Variants in PTPRZ1 observed in about 807,000 individuals in gnomAD.
PTPRZ1 encodes the protein receptor-type tyrosine-protein phosphatase zeta.
Under a neutral mutation model 214.1 loss-of-function variants are expected in PTPRZ1, and 82 were observed. The ratio of observed to expected loss-of-function variants is 0.38; its 90% confidence interval spans 0.32 to 0.46. The LOEUF (loss-of-function observed/expected upper bound fraction) is 0.46. Ranked by LOEUF, PTPRZ1 falls within the 20% of genes least tolerant of loss-of-function variation. PTPRZ1 has a pLI of 1.00. For missense variants in PTPRZ1, 2,603 were observed against 2,748.7 expected, an observed-to-expected ratio of 0.95 and a Z score of 1.19; for synonymous variants, 945 against 987.9, an observed-to-expected ratio of 0.96 and a Z score of 0.81.
intron 2 of PTPRZ1, among the ~76,000 whole-genome samples, chr7:121,933,425 T>C (rs1795982833): frequency 6.6e-6 from 1 of 152,160 alleles, no homozygotes; most frequent in African/African-American, 2.4e-5. Context: ...CAGCTTGAAA[T>C]TGAAAATTTT....
At chr7:122,054,837 T>C (rs1792300589) in intron 26 of PTPRZ1, 104 bp from the exon 27 acceptor site, 1 of 1,143,854 alleles carries the variant, frequency 8.7e-7, no homozygotes, top group East Asian at 2.6e-5. Context: ...CAAAGAAAAA[T>C]TGGAGTTGAA....
At chr7:121,996,774 A>C (rs1358968362) in intron 9 of PTPRZ1, among the ~76,000 whole-genome samples, 1 of 152,218 alleles carries the variant, frequency 6.6e-6, no homozygotes. Context: ...AATTAAATGG[A>C]TATCATAACT....
At chr7:121,883,413 A>C (rs1794300970) in intron 1 of PTPRZ1, among the ~76,000 whole-genome samples, 1 of 152,322 alleles carries the variant, frequency 6.6e-6, no homozygotes, top group African/African-American at 2.4e-5. Flanking sequence ...CAGTGAACAC[A>C]TGTACTATTG....
intron 10 of PTPRZ1, among the ~76,000 whole-genome samples, chr7:121,999,811 T>C (rs898957580): frequency 6.6e-6 from 1 of 152,166 alleles, no homozygotes. Flanking sequence ...GTGATCCTGT[T>C]AGACTGACTC....
chr7:122,010,336 G>T lies in PTPRZ1; in HGVS notation c.1290G>T (p.Glu430Asp), dbSNP rs775374028. The T allele has an allele frequency of 1.3e-5, 20 of 1,596,614 alleles. No individual in the cohort carries two copies. Among genetic ancestry groups the T allele is most frequent in the Non-Finnish European group, 1.6e-5 (19 of 1,174,426 alleles). ...ELIGTEEIIK[E>D]EEEGKDIEEG... ...TAAATCTTGTTTGCTTTTCAAAGGA[G>T]GAGGAAGAGGGAAAAGACATTGAAG... Residue 430 changes from glutamate (E) to aspartate (D), a missense_variant and splice_region_variant, in exon 12 of 30, where the codon GAG (glutamate) becomes GAT (aspartate). Coordinates refer to ENST00000393386, the MANE Select transcript of PTPRZ1 (RefSeq NM_002851.3).
At chr7:121,882,536 A>G (rs1032872400) in intron 1 of PTPRZ1, among the ~76,000 whole-genome samples, 2 of 152,184 alleles carry the variant, frequency 1.3e-5, no homozygotes, top group Admixed American at 1.3e-4. Context: ...GAGGAGTATA[A>G]CAGTAAAAGG....
At chr7:122,030,505 C>T (rs1017557839) in intron 14 of PTPRZ1, among the ~76,000 whole-genome samples, 1 of 151,956 alleles carries the variant, frequency 6.6e-6, no homozygotes, top group Non-Finnish European at 1.5e-5. Context: ...TAGAATTACA[C>T]CTTTGTCTAG....
chr7:121,903,964 T>TCACACACACACA (rs200372497), intron 1 of PTPRZ1, among the ~76,000 whole-genome samples: 4 of 81,616 alleles, frequency 4.9e-5, no homozygotes, highest in East Asian at 4.5e-4. Flanking sequence ...AGTCTTTAAA[T>TCACACACACACA]CTCACACACA....
intron 1 of PTPRZ1, among the ~76,000 whole-genome samples, chr7:121,909,733 AG>A (rs554756641): frequency 4.5e-4 from 68 of 152,318 alleles, no homozygotes; most frequent in African/African-American, 1.5e-3. Flanking sequence ...TATACATGAA[AG>A]TAAAAAGGTA....
At chr7:122,020,743 A>T (rs866739149) in intron 13 of PTPRZ1, among the ~76,000 whole-genome samples, 37 of 152,302 alleles carry the variant, frequency 2.4e-4, no homozygotes, top group Middle Eastern at 3.4e-3. Flanking sequence ...CACATGGGTC[A>T]GGAGTCTATT....
At chr7:121,966,338 G>T (rs973420752) in intron 2 of PTPRZ1, among the ~76,000 whole-genome samples, 12 of 152,124 alleles carry the variant, frequency 7.9e-5, no homozygotes, top group African/African-American at 2.7e-4. Context: ...CTTTCTAAGT[G>T]TGCTTAGAAT....
At chr7:121,995,782 A>G (rs955383109) in intron 8 of PTPRZ1, among the ~76,000 whole-genome samples, 6 of 152,212 alleles carry the variant, frequency 3.9e-5, no homozygotes, top group African/African-American at 7.2e-5. Context: ...AGGATTGTCT[A>G]ATAACAAAAT....
intron 6 of PTPRZ1, among the ~76,000 whole-genome samples, chr7:121,981,197 C>T (rs900897300): frequency 2.0e-5 from 3 of 151,846 alleles, no homozygotes; most frequent in Non-Finnish European, 4.4e-5. Flanking sequence ...CTTCACTTTA[C>T]TTGGGATTTT....
At chr7:121,884,859 T>A (rs1794351444) in intron 1 of PTPRZ1, among the ~76,000 whole-genome samples, 1 of 152,220 alleles carries the variant, frequency 6.6e-6, no homozygotes. Context: ...ATGAATTCAT[T>A]TTTTTAAAAA....
intron 1 of PTPRZ1, among the ~76,000 whole-genome samples, chr7:121,877,779 G>T (rs1215183523): frequency 6.6e-6 from 1 of 152,142 alleles, no homozygotes; most frequent in African/African-American, 2.4e-5. Flanking sequence ...TCGAAAATAA[G>T]TCTTTTCCAA....
chr7:121,905,626 G>A (rs541111117), intron 1 of PTPRZ1, among the ~76,000 whole-genome samples: 6 of 104,970 alleles, frequency 5.7e-5, no homozygotes, highest in East Asian at 3.5e-4. Flanking sequence ...TTCTGCACCC[G>A]GCCGAATTCT....
chr7:122,012,374 G>T lies in PTPRZ1; in HGVS notation c.3328G>T (p.Val1110Phe), dbSNP rs772898949. 1.9e-6 allele frequency: 3 copies of T among 1,613,844 alleles called. No individual in the cohort carries two copies. The East Asian group carries it at 6.7e-5, about 36-fold the overall frequency. ...PGSLAHTTTK[V>F]FDHEISQVPE... ...GTCCCTTGCTCATACCACCACTAAG[G>T]TTTTTGATCATGAGATTAGTCAAGT... The change falls in exon 12 of 30, where the codon GTT becomes TTT. Residue 1110 changes from valine (V) to phenylalanine (F), a missense_variant. This residue lies in a region of PTPRZ1 where 1,913 missense variants were observed against 1,914.3 expected (regional missense o/e 1.00). Transcript: ENST00000393386.
At chr7:121,930,015 T>C in intron 2 of PTPRZ1, among the ~76,000 whole-genome samples, 1 of 150,920 alleles carries the variant, frequency 6.6e-6, no homozygotes, top group East Asian at 1.9e-4. Flanking sequence ...GTTTTGTTAC[T>C]TTAATTTGCT....
intron 2 of PTPRZ1, among the ~76,000 whole-genome samples, chr7:121,959,432 C>G (rs958590901): frequency 1.3e-5 from 2 of 152,170 alleles, no homozygotes; most frequent in African/African-American, 4.8e-5. Flanking sequence ...CTGCAGAAAC[C>G]TCTGGCCAAA....
Sources: allele counts gnomAD v4.1 joint callset (sites outside exome capture counted in the v4.1 genomes callset), GRCh38; gene constraint gnomAD v4.1.1; regional missense constraint gnomAD v4.1.1; transcripts MANE v1.5; gene names NCBI Gene and HGNC (gene_info 2026-07-23, HGNC 2026-07-21).